The following GABRA2 variants were observed in gnomAD, a reference collection of about 807,000 sequenced individuals.
GABRA2 encodes gamma-aminobutyric acid receptor subunit alpha-2.
Under a neutral mutation model 48.7 loss-of-function variants are expected in GABRA2, and 16 were observed. The observed-to-expected ratio is 0.33, with a 90% confidence interval of 0.22 to 0.50. The LOEUF is 0.50. Among genes scored for constraint, GABRA2 ranks in the 20% least tolerant of loss-of-function variants. The probability of loss-of-function intolerance (pLI) is 0.98; values close to 1 mark genes in which losing one functional copy is unlikely to be tolerated. For synonymous variants in GABRA2, 185 were observed against 184.5 expected (o/e 1.00, Z -0.02); for missense variants, 275 against 535.6 (o/e 0.51, Z 4.80).
chr4:46,244,515 G>T lies in GABRA2; in HGVS notation c.*5793C>A, dbSNP rs932766560. On this transcript the variant is annotated 3_prime_UTR_variant, in exon 10 of 10. Transcript: ENST00000381620. ...CTAATTCAGCAATTGCAATCCCACC[G>T]GTGGCATCCCTTGGGATCAATTCAG... 6.6e-6 allele frequency among the ~76,000 whole-genome samples: 1 copy of T among 151,428 alleles called. No individual in the cohort carries two copies. Among genetic ancestry groups the T allele is most frequent in the Non-Finnish European group, 1.5e-5 (1 of 67,630 alleles).
intron 8 of GABRA2, among the ~76,000 whole-genome samples, chr4:46,263,912 T>TTCTCTCTC (rs3068324): frequency 1.2e-3 from 171 of 145,074 alleles, no homozygotes; most frequent in African/African-American, 3.8e-3. Context: ...ATTAGATCAA[T>TTCTCTCTC]TCTCTCTCTC....
At chr4:46,321,627 CCTTT>C (rs1560525326) in intron 4 of GABRA2, among the ~76,000 whole-genome samples, 1 of 152,026 alleles carries the variant, frequency 6.6e-6, no homozygotes, top group Non-Finnish European at 1.5e-5. Context: ...GGTTGGCTAA[CCTTT>C]CTTTATATCA....
chr4:46,385,392 C>A (rs745975322), intron 3 of GABRA2, among the ~76,000 whole-genome samples: 1 of 151,448 alleles, frequency 6.6e-6, no homozygotes, highest in Non-Finnish European at 1.5e-5. Context: ...TTTCCCTTTT[C>A]GAATAAAAAT....
Position 46,256,337 on chromosome 4 carries a change from T to C in GABRA2, c.1059+5589A>G, listed in dbSNP as rs1421110861. On this transcript the variant is annotated intron_variant, in intron 9 of 9. Coordinates refer to ENST00000381620, the MANE Select transcript of GABRA2 (RefSeq NM_000807.4). ...TTGAAGAATTGCTTTCACTGAGTTG[T>C]ATGTTAATGTAATGCCTTCAGCTTT... 1.5e-6 allele frequency: 1 copy of C among 687,802 alleles called. No homozygotes were observed. Among genetic ancestry groups the C allele is most frequent in the African/African-American group, 1.8e-5 (1 of 56,606 alleles). 42.6% of individuals were successfully genotyped at this position (687,802 alleles called of 1,614,324 possible).
At chr4:46,299,833 T>A (rs191453531) in intron 8 of GABRA2, among the ~76,000 whole-genome samples, 86 of 151,910 alleles carry the variant, frequency 5.7e-4, no homozygotes, top group East Asian at 1.9e-4. Context: ...GTATATGTAG[T>A]TTAATGAACT....
rs1713792811 is a variant in GABRA2 at position 46,246,801 on chromosome 4, A to G, written c.*3507T>C. On this transcript the variant is annotated 3_prime_UTR_variant, in exon 10 of 10. Transcript: ENST00000381620. ...ATGTGTCTGAGGGCATCAGGCATAG[A>G]ATACATTAAACAAATTATTAATGGA... 1.3e-5 allele frequency among the ~76,000 whole-genome samples: 2 copies of G among 151,232 alleles called. No homozygotes were observed. The highest frequency in any genetic ancestry group is 6.6e-5 in the Admixed American group (1 of 15,120).
intron 3 of GABRA2, chr4:46,366,107 G>A (rs1196383985): frequency 2.0e-5 from 3 of 151,948 alleles, no homozygotes; most frequent in African/African-American, 7.3e-5. Flanking sequence ...CTTCTCATTA[G>A]CTATTCTCCA....
At chr4:46,311,899 G>T (rs1000241452) in intron 5 of GABRA2, among the ~76,000 whole-genome samples, 3 of 152,122 alleles carry the variant, frequency 2.0e-5, no homozygotes, top group African/African-American at 7.2e-5. Flanking sequence ...AGGAGTTCGG[G>T]GCCAGCCTGG....
At position 46,245,459 on chromosome 4, in the gene GABRA2, G is replaced by A. The variant is rs1057141053; in HGVS notation, c.*4849C>T. ...TTAAAAAAAAACTAGAAATACATTCGAAAAAGTTTACACCAACATAGAAAA... is the reference window on the plus strand; with the variant it reads ...TTAAAAAAAAACTAGAAATACATTCAAAAAAGTTTACACCAACATAGAAAA... On this transcript the variant is annotated 3_prime_UTR_variant, in exon 10 of 10. Coordinates refer to ENST00000381620, the MANE Select transcript of GABRA2 (RefSeq NM_000807.4). 3.3e-5 allele frequency among the ~76,000 whole-genome samples: 5 copies of A among 150,774 alleles called. No individual in the cohort carries two copies. The highest frequency in any genetic ancestry group is 6.6e-5 in the Admixed American group (1 of 15,064).
chr4:46,316,454 A>C (rs115564718), intron 4 of GABRA2, among the ~76,000 whole-genome samples: 7 of 152,162 alleles, frequency 4.6e-5, no homozygotes, highest in African/African-American at 1.7e-4. Context: ...GGCAGCTGAC[A>C]GCTTCTTTCC....
chr4:46,275,812 A>G (rs910631608), intron 8 of GABRA2, among the ~76,000 whole-genome samples: 1 of 152,182 alleles, frequency 6.6e-6, no homozygotes, highest in African/African-American at 2.4e-5. Context: ...ATAGTACATC[A>G]TTAGAGAATT....
At chr4:46,348,997 G>C (rs279823) in intron 3 of GABRA2, among the ~76,000 whole-genome samples, 94,512 of 151,742 alleles carry the variant, frequency 0.62, 30,165 homozygotes, top group African/African-American at 0.76. Flanking sequence ...CCTGATGATC[G>C]AGCAGCCAAC....
At position 46,389,991 on chromosome 4, in the gene GABRA2, G is replaced by T; in HGVS notation, c.-267C>A. 2 of 980,628 alleles carry T rather than the reference G, an allele frequency of 2.0e-6. No individual in the cohort carries two copies. The highest frequency in any genetic ancestry group is 2.4e-6 in the Non-Finnish European group (2 of 827,004). The allele number at this position is 980,628 out of a possible 1,614,324, so 60.7% of individuals were successfully genotyped here. On this transcript the variant is annotated 5_prime_UTR_variant, in exon 1 of 10. Coordinates refer to ENST00000381620, the MANE Select transcript of GABRA2 (RefSeq NM_000807.4). ...GGCGTTCGTAGTGGCGGTGATGGGC[G>T]GAGGAGGAGGAAGAGGAGGAGGAGG...
chr4:46,275,481 G>T (rs113225881), intron 8 of GABRA2, among the ~76,000 whole-genome samples: 1 of 152,030 alleles, frequency 6.6e-6, no homozygotes, highest in Non-Finnish European at 1.5e-5. Flanking sequence ...CAGGGGTATC[G>T]CTCCAGGATC....
chr4:46,389,768 CTT>C lies in GABRA2; in HGVS notation c.-46_-45del. The C allele has an allele frequency of 1.0e-6, 1 of 965,892 alleles. No individual in the cohort carries two copies. Among genetic ancestry groups the C allele is most frequent in the Non-Finnish European group, 1.2e-6 (1 of 826,606 alleles). The allele number at this position is 965,892 out of a possible 1,614,324, so 59.8% of individuals were successfully genotyped here. On this transcript the variant is annotated 5_prime_UTR_variant, in exon 1 of 10. Coordinates refer to ENST00000381620, the MANE Select transcript of GABRA2 (RefSeq NM_000807.4). ...GCAAGCAGAATTCGGTGTTTTCTTC[CTT>C]TTGCCCTGATCTTGACGAGATAGGA...
chr4:46,388,497 C>A, intron 2 of GABRA2, 139 bp downstream of exon 2: 1 of 974,934 alleles, frequency 1.0e-6, no homozygotes, highest in Non-Finnish European at 1.6e-6. Context: ...TCTATTACTT[C>A]ATAGTTCACT....
intron 3 of GABRA2, among the ~76,000 whole-genome samples, chr4:46,346,073 C>T (rs1734094419): frequency 6.6e-6 from 1 of 151,918 alleles, no homozygotes; most frequent in Middle Eastern, 3.2e-3. Flanking sequence ...GCCTTACACT[C>T]TCAGCAACAA....
chr4:46,363,868 T>C (rs926386185), intron 3 of GABRA2: 6 of 152,196 alleles, frequency 3.9e-5, no homozygotes, highest in African/African-American at 1.4e-4. Flanking sequence ...CTGATAGTTA[T>C]AAATCCTGTT....
rs752264071 is a variant in GABRA2, at chr4:46,243,734, C to T, written c.*6574G>A. ...TTAGTTCTTGAGTTATTTTCATGAA[C>T]CAGAAAACCTACCAATAAGTATACT... On this transcript the variant is annotated 3_prime_UTR_variant, in exon 10 of 10. Transcript: ENST00000381620. 5.9e-5 allele frequency: 9 copies of T among 151,302 alleles called. No homozygotes were observed. The highest frequency in any genetic ancestry group is 1.3e-4 in the Non-Finnish European group (9 of 67,552). The allele number at this position is 151,302 out of a possible 1,614,324, so 9.4% of individuals were successfully genotyped here.
Sources: gnomAD v4.1 joint callset for allele counts (sites outside exome capture counted in the v4.1 genomes callset) on GRCh38, gnomAD v4.1.1 for gene constraint, MANE v1.5 for transcripts, NCBI Gene and HGNC (gene_info 2026-07-23, HGNC 2026-07-21) for gene names.